The following PRKAR1B variants were observed in gnomAD, a reference collection of about 807,000 sequenced individuals.
The protein encoded by PRKAR1B is cAMP-dependent protein kinase type I-beta regulatory subunit.
In PRKAR1B, 22 loss-of-function variants were observed where a neutral mutation model predicts 46.5. The ratio of observed to expected loss-of-function variants is 0.47; its 90% CI spans 0.34 to 0.68. The LOEUF (loss-of-function observed/expected upper bound fraction) is 0.68, where lower values mean the gene tolerates loss of function less well. Ranked by LOEUF, PRKAR1B falls within the 30% of genes least tolerant of loss-of-function variation. The pLI is 0.01. For synonymous variants in PRKAR1B, 259 were observed against 217.7 expected, an observed-to-expected ratio of 1.19 and a Z score of -1.67; for missense variants, 445 against 535.6, an observed-to-expected ratio of 0.83 and a Z score of 1.67.
chr7:657,521 T>G (rs1467552825), intron 4 of PRKAR1B, among the ~76,000 whole-genome samples: 1 of 152,182 alleles, frequency 6.6e-6, no homozygotes, highest in Non-Finnish European at 1.5e-5. Context: ...GGTCAAGAAG[T>G]AAGAAGGCAT....
At chr7:671,494 T>A (rs1222159824) in intron 4 of PRKAR1B, among the ~76,000 whole-genome samples, 2 of 152,192 alleles carry the variant, frequency 1.3e-5, no homozygotes, top group Admixed American at 6.5e-5. Flanking sequence ...GATCTCGCTC[T>A]GTTGCCCAGG....
chr7:606,738 G>A (rs936973818), intron 5 of PRKAR1B, among the ~76,000 whole-genome samples: 2 of 151,604 alleles, frequency 1.3e-5, no homozygotes, highest in African/African-American at 2.4e-5. Flanking sequence ...GTGAGCCACC[G>A]CGCCCGGCCT....
chr7:638,959 T>C (rs916394254), intron 4 of PRKAR1B, among the ~76,000 whole-genome samples: 1 of 152,092 alleles, frequency 6.6e-6, no homozygotes, highest in Admixed American at 6.6e-5. Context: ...GCACCTGTAA[T>C]CCCAGCTACT....
intron 6 of PRKAR1B, among the ~76,000 whole-genome samples, chr7:597,636 G>T (rs896550145): frequency 6.6e-6 from 1 of 152,250 alleles, no homozygotes; most frequent in Non-Finnish European, 1.5e-5. Flanking sequence ...TTTTAGGGGC[G>T]AGGGGACCTC....
intron 8 of PRKAR1B, among the ~76,000 whole-genome samples, chr7:583,607 C>G (rs766950786): frequency 3.6e-4 from 51 of 141,912 alleles, no homozygotes; most frequent in Non-Finnish European, 6.8e-4. Context: ...CACACACACC[C>G]CCTCACACGT....
intron 4 of PRKAR1B, among the ~76,000 whole-genome samples, chr7:638,708 T>A (rs1301109981): frequency 1.3e-5 from 2 of 152,214 alleles, no homozygotes; most frequent in African/African-American, 4.8e-5. Flanking sequence ...ATTGAGAAGA[T>A]TCAATATTGA....
intron 4 of PRKAR1B, among the ~76,000 whole-genome samples, chr7:636,444 T>TCCACCGGCCGCGCCCA (rs1562579465): frequency 2.7e-5 from 1 of 36,368 alleles, no homozygotes; most frequent in East Asian, 7.0e-4. Context: ...GGCCGCGCCC[T>TCCACCGGCCGCGCCCA]CACGTCCTCC....
intron 9 of PRKAR1B, 124 bp from the exon 10 acceptor site, chr7:551,594 A>AG (rs1784204215): frequency 1.1e-6 from 1 of 873,380 alleles, no homozygotes; most frequent in Non-Finnish European, 1.7e-6. Context: ...TCCTTCTCCC[A>AG]GAGCCACTGC....
At chr7:727,446 G>C, upstream of PRKAR1B, 1 of 324,126 alleles carries the variant, frequency 3.1e-6, no homozygotes, top group Non-Finnish European at 4.7e-6. Context: ...CAACATCCCG[G>C]ACCCCCCATG....
chr7:636,339 G>C (rs1784077566), intron 4 of PRKAR1B, among the ~76,000 whole-genome samples: 1 of 12,844 alleles, frequency 7.8e-5, no homozygotes, highest in Non-Finnish European at 1.5e-4. Flanking sequence ...TCCTCCACCG[G>C]CCGCGCCCAC....
chr7:710,976 C>G (rs889111855), intron 2 of PRKAR1B, among the ~76,000 whole-genome samples: 1 of 152,136 alleles, frequency 6.6e-6, no homozygotes, highest in Admixed American at 6.5e-5. Flanking sequence ...GCATCTGTAA[C>G]TAGGCTGAAA....
chr7:635,689 G>A (rs913614594), intron 4 of PRKAR1B, among the ~76,000 whole-genome samples: 1 of 152,140 alleles, frequency 6.6e-6, no homozygotes, highest in Non-Finnish European at 1.5e-5. Context: ...GCTGCAGGAC[G>A]GTCTTTGAGC....
intron 9 of PRKAR1B, among the ~76,000 whole-genome samples, chr7:571,894 T>C (rs1779538896): frequency 6.6e-6 from 1 of 152,212 alleles, no homozygotes; most frequent in South Asian, 2.1e-4. Context: ...CGCACAGCCC[T>C]GGCACACACT....
At chr7:639,662 C>A (rs947723544) in intron 4 of PRKAR1B, among the ~76,000 whole-genome samples, 5 of 151,992 alleles carry the variant, frequency 3.3e-5, no homozygotes, top group Non-Finnish European at 7.4e-5. Flanking sequence ...CCTGCCTGGG[C>A]AACAGAGTGG....
At chr7:662,877 G>C (rs563232734) in intron 4 of PRKAR1B, among the ~76,000 whole-genome samples, 3 of 152,112 alleles carry the variant, frequency 2.0e-5, no homozygotes, top group Admixed American at 2.0e-4. Flanking sequence ...TCTCACCCTC[G>C]GAGCGGCCAC....
chr7:591,705 A>G (rs986340635), intron 7 of PRKAR1B, among the ~76,000 whole-genome samples: 1 of 152,190 alleles, frequency 6.6e-6, no homozygotes, highest in Admixed American at 6.5e-5. Context: ...AAAAAAAGGA[A>G]AAGAAAAATA....
chr7:553,280 C>T (rs1256282137), intron 9 of PRKAR1B, among the ~76,000 whole-genome samples: 1 of 152,222 alleles, frequency 6.6e-6, no homozygotes, highest in African/African-American at 2.4e-5. Flanking sequence ...ACACCCTCAG[C>T]AGGTGTTGAT....
At chr7:645,853 C>G (rs577736212) in intron 4 of PRKAR1B, among the ~76,000 whole-genome samples, 1 of 152,140 alleles carries the variant, frequency 6.6e-6, no homozygotes, top group Non-Finnish European at 1.5e-5. Flanking sequence ...GCCGTCCACT[C>G]GCCAGTCAGA....
In PRKAR1B at chr7:726,936, C is replaced by T. The variant is rs989746256; in HGVS notation, c.-23+274G>A. ...CCGACCCCACCGCTTTCCAGGGCCC[C>T]TGGGCGCGCCTACTGCTGCCGCGCT... On this transcript the variant is annotated intron_variant, in intron 1 of 10. Coordinates refer to ENST00000537384, the MANE Select transcript of PRKAR1B (RefSeq NM_001164760.2). The T allele has an allele frequency of 1.1e-5, 15 of 1,341,068 alleles. No individual in the cohort carries two copies. The African/African-American group carries it at 1.5e-4, about 14-fold the overall frequency. 83.1% of individuals were successfully genotyped at this position (1,341,068 alleles called of 1,614,324 possible). A position where few individuals can be genotyped will look rare whatever the true frequency, so the allele number is the denominator to read the frequency against.
Sources: allele counts gnomAD v4.1 joint callset (sites outside exome capture counted in the v4.1 genomes callset), GRCh38; gene constraint gnomAD v4.1.1; transcripts MANE v1.5; gene names NCBI Gene and HGNC (gene_info 2026-07-23, HGNC 2026-07-21).